SCFD2: variants seen among roughly 807,000 people sequenced by gnomAD.
The protein encoded by SCFD2 is sec1 family domain containing 2.
Under a neutral mutation model 58.9 loss-of-function variants are expected in SCFD2, and 54 were observed. That is an observed-to-expected ratio of 0.92 (90% CI 0.74 to 1.15). SCFD2 has a LOEUF of 1.15. Among genes scored for constraint, SCFD2 ranks in the 50% most tolerant of loss-of-function variants. The probability of loss-of-function intolerance (pLI) is 0.00; values close to 1 mark genes in which losing one functional copy is unlikely to be tolerated. For missense variants in SCFD2, 805 were observed against 836.6 expected, an observed-to-expected ratio of 0.96 and a Z score of 0.47; for synonymous variants, 321 against 335.9, an observed-to-expected ratio of 0.96 and a Z score of 0.49.
intron 5 of SCFD2, among the ~76,000 whole-genome samples, chr4:53,036,303 G>A (rs973180929): frequency 2.0e-5 from 3 of 151,494 alleles, no homozygotes; most frequent in African/African-American, 7.3e-5. Context: ...GTGACAACAT[G>A]TAGTGTTTGG....
chr4:53,121,976 G>T (rs1239884884), intron 5 of SCFD2, among the ~76,000 whole-genome samples: 4 of 151,956 alleles, frequency 2.6e-5, no homozygotes, highest in African/African-American at 9.7e-5. Context: ...AATTTCAGCT[G>T]CCATCATCAC....
At chr4:53,314,816 G>A (rs1732807314) in intron 2 of SCFD2, among the ~76,000 whole-genome samples, 2 of 151,972 alleles carry the variant, frequency 1.3e-5, no homozygotes, top group South Asian at 4.1e-4. Flanking sequence ...ATCTTTCATT[G>A]AATAGTTTTT....
chr4:52,914,632 A>G (rs1719561118), intron 6 of SCFD2, among the ~76,000 whole-genome samples: 1 of 152,220 alleles, frequency 6.6e-6, no homozygotes, highest in Admixed American at 6.5e-5. Flanking sequence ...TTTGTTAGAT[A>G]CAAACATACA....
intron 5 of SCFD2, among the ~76,000 whole-genome samples, chr4:53,037,871 A>G (rs1264525302): frequency 6.6e-6 from 1 of 152,192 alleles, no homozygotes; most frequent in East Asian, 1.9e-4. Flanking sequence ...GGCCAAGGAA[A>G]AAAATCTATT....
intron 5 of SCFD2, among the ~76,000 whole-genome samples, chr4:52,970,924 C>T (rs1307808943): frequency 6.6e-6 from 1 of 152,174 alleles, no homozygotes; most frequent in African/African-American, 2.4e-5. Context: ...AGTGGAACTC[C>T]AGCAAACTCC....
At chr4:53,201,477 A>G (rs1259032920) in intron 4 of SCFD2, among the ~76,000 whole-genome samples, 1 of 152,206 alleles carries the variant, frequency 6.6e-6, no homozygotes, top group Non-Finnish European at 1.5e-5. Context: ...CAGTGCCTCA[A>G]TAAACATACA....
intron 4 of SCFD2, 61 bp from the exon 5 acceptor site, chr4:53,145,643 A>G: frequency 1.4e-6 from 2 of 1,444,852 alleles, no homozygotes; most frequent in South Asian, 1.3e-5. Flanking sequence ...TTTATGGATT[A>G]CATTAGTCGA....
At chr4:53,038,061 G>T (rs1339532440) in intron 5 of SCFD2, among the ~76,000 whole-genome samples, 1 of 152,150 alleles carries the variant, frequency 6.6e-6, no homozygotes, top group Non-Finnish European at 1.5e-5. Context: ...ATCCTTCTAA[G>T]AGGGTTGGCC....
At chr4:53,143,909 A>G (rs554601483) in intron 5 of SCFD2, among the ~76,000 whole-genome samples, 2 of 152,286 alleles carry the variant, frequency 1.3e-5, no homozygotes, top group African/African-American at 4.8e-5. Context: ...ACTTTCAGAT[A>G]GACACAGGCT....
intron 2 of SCFD2, among the ~76,000 whole-genome samples, chr4:53,352,275 T>C (rs1159211075): frequency 6.6e-6 from 1 of 152,192 alleles, no homozygotes; most frequent in African/African-American, 2.4e-5. Context: ...AAAAAGAAAC[T>C]GAGGAAGACT....
At chr4:53,072,217 A>T (rs998265) in intron 5 of SCFD2, among the ~76,000 whole-genome samples, 52,160 of 151,762 alleles carry the variant, frequency 0.34, 10,185 homozygotes, top group Non-Finnish European at 0.42. Context: ...GAGAAAGGGT[A>T]CTGTTAGCAA....
chr4:53,159,117 G>A (rs190437520), intron 4 of SCFD2, among the ~76,000 whole-genome samples: 30 of 152,048 alleles, frequency 2.0e-4, no homozygotes, highest in Non-Finnish European at 3.5e-4. Flanking sequence ...ACCTAGCTCC[G>A]CCCTTTGAAT....
At chr4:53,206,403 C>T (rs1456776547) in intron 4 of SCFD2, among the ~76,000 whole-genome samples, 5 of 152,052 alleles carry the variant, frequency 3.3e-5, no homozygotes, top group Non-Finnish European at 7.4e-5. Context: ...CATTAAAGGA[C>T]CTCTCAGAGA....
intron 8 of SCFD2, among the ~76,000 whole-genome samples, chr4:52,874,270 C>T (rs1272340960): frequency 6.6e-6 from 1 of 152,170 alleles, no homozygotes; most frequent in Non-Finnish European, 1.5e-5. Flanking sequence ...GGACAGATGG[C>T]CTGTGGGACA....
intron 5 of SCFD2, among the ~76,000 whole-genome samples, chr4:53,138,869 C>T (rs1159476894): frequency 6.7e-6 from 1 of 150,098 alleles, no homozygotes; most frequent in African/African-American, 2.5e-5. Context: ...CCTCCCCCTC[C>T]CCCTCCCTCT....
chr4:52,970,685 G>A (rs967194417), intron 5 of SCFD2, among the ~76,000 whole-genome samples: 12 of 152,206 alleles, frequency 7.9e-5, no homozygotes, highest in Non-Finnish European at 1.0e-4. Flanking sequence ...CTCCCAGCAC[G>A]CAGCCGGAAA....
chr4:53,297,797 T>C (rs1207775524), intron 3 of SCFD2, among the ~76,000 whole-genome samples: 1 of 152,220 alleles, frequency 6.6e-6, no homozygotes. Flanking sequence ...TGGTACCAGT[T>C]GACCTTTTCT....
In SCFD2 at chr4:53,337,941, A is replaced by G. The variant is rs1264457301; in HGVS notation, c.1007+14657T>C. 2.0e-5 allele frequency among the ~76,000 whole-genome samples: 3 copies of G among 152,216 alleles called. No homozygotes were observed. The East Asian group carries it at 5.8e-4, about 29-fold the overall frequency. On this transcript the variant is annotated intron_variant, in intron 2 of 8. Coordinates refer to ENST00000401642, the MANE Select transcript of SCFD2 (RefSeq NM_152540.4). ...TTATCCAGATAGGTCCAATGTAATT[A>G]CAACAGTCCTTATAGGAGGGATACA...
intron 4 of SCFD2, among the ~76,000 whole-genome samples, chr4:53,262,477 C>G (rs997711818): frequency 2.0e-5 from 3 of 152,198 alleles, no homozygotes; most frequent in Non-Finnish European, 4.4e-5. Context: ...ATTTGTTTGT[C>G]TAGAAAAGAC....
Sources: allele counts gnomAD v4.1 joint callset (sites outside exome capture counted in the v4.1 genomes callset), GRCh38; gene constraint gnomAD v4.1.1; transcripts MANE v1.5; gene names NCBI Gene and HGNC (gene_info 2026-07-23, HGNC 2026-07-21).